The following DAB2IP variants were observed in gnomAD, a reference collection of about 807,000 sequenced individuals.
The protein encoded by DAB2IP is DAB2 interacting protein, also known as disabled homolog 2-interacting protein.
A neutral mutation model predicts 107.2 loss-of-function variants in DAB2IP; 28 were observed. The ratio of observed to expected loss-of-function variants is 0.26; its 90% CI spans 0.19 to 0.36. DAB2IP has a LOEUF of 0.36. Among genes scored for constraint, DAB2IP ranks in the 10% least tolerant of loss-of-function variants. The pLI is 1.00. For missense variants in DAB2IP, 1,400 were observed against 1,644.7 expected (o/e 0.85, Z 2.57); for synonymous variants, 755 against 706.4 (o/e 1.07, Z -1.09).
At chr9:121,650,938 C>T (rs1832718634), upstream of DAB2IP, among the ~76,000 whole-genome samples, 2 of 152,154 alleles carry the variant, frequency 1.3e-5, no homozygotes, top group African/African-American at 4.8e-5. Context: ...TGCCATTGTG[C>T]TCTGGGGAGC....
intron 2 of DAB2IP, among the ~76,000 whole-genome samples, chr9:121,689,666 G>C (rs1829065811): frequency 6.6e-6 from 1 of 152,208 alleles, no homozygotes; most frequent in Non-Finnish European, 1.5e-5. Context: ...GTGCCTGGAA[G>C]TGCAGGGGAA....
intron 2 of DAB2IP, among the ~76,000 whole-genome samples, chr9:121,679,918 T>C (rs1828495657): frequency 6.6e-6 from 1 of 152,188 alleles, no homozygotes; most frequent in African/African-American, 2.4e-5. Context: ...GGAGGCACCC[T>C]AGAAATTTCC....
chr9:121,569,485 T>C (rs1829884271), intron 1 of DAB2IP, among the ~76,000 whole-genome samples: 1 of 152,142 alleles, frequency 6.6e-6, no homozygotes, highest in Non-Finnish European at 1.5e-5. Context: ...TGTAACGAAA[T>C]AGACAAGGTG....
chr9:121,570,794 C>T lies in DAB2IP; in HGVS notation c.40+3566C>T, dbSNP rs564706392. Among the ~76,000 whole-genome samples the T allele has an allele frequency of 7.3e-5, 11 of 151,358 alleles. No homozygotes were observed. The East Asian group carries it at 7.7e-4, about 11-fold the overall frequency. ...AACTCCTGGGCTCTCTCAATCTGCC[C>T]GCCTCGGCTTCCCAAAGTGCTGGGA... On this transcript the variant is annotated intron_variant, in intron 1 of 16. Transcript: ENST00000259371.
chr9:121,616,702 A>T (rs1831291906), intron 1 of DAB2IP, among the ~76,000 whole-genome samples: 1 of 152,172 alleles, frequency 6.6e-6, no homozygotes, highest in Admixed American at 6.5e-5. Flanking sequence ...GATGGGCTTG[A>T]TCACTCTTCG....
intron 3 of DAB2IP, among the ~76,000 whole-genome samples, chr9:121,738,213 A>C (rs918355138): frequency 1.3e-5 from 2 of 152,112 alleles, no homozygotes; most frequent in Admixed American, 6.5e-5. Context: ...CCTAGGCTGC[A>C]GGGCTAATGA....
Position 121,772,910 on chromosome 9 carries a change from G to C in DAB2IP, c.2382G>C (p.Leu794=). 1 of 1,568,726 alleles carries C rather than the reference G, an allele frequency of 6.4e-7. No individual in the cohort carries two copies. Among genetic ancestry groups the C allele is most frequent in the South Asian group, 1.2e-5 (1 of 84,168 alleles). The change falls in exon 12 of 16, where the codon CTG becomes CTC. Residue 794 remains leucine (L), a synonymous_variant. Transcript: ENST00000408936. This position sits in a 1 kb window ranked among gnomAD's most constrained non-coding sequence, Gnocchi z 4.7. ...CGGCCCGGGCAACCCCAGTGAACCT[G>C]GCAGGGCTGGCCACGGTGCGGCGGG... is the stretch of plus-strand genomic sequence containing the variant.
chr9:121,605,598 A>G (rs1830842064), intron 1 of DAB2IP, among the ~76,000 whole-genome samples: 3 of 152,186 alleles, frequency 2.0e-5, no homozygotes, highest in Non-Finnish European at 1.5e-5. Context: ...TCCTGGGCTC[A>G]AGTGATCCTC....
chr9:121,667,049 C>T (rs372254485), intron 1 of DAB2IP, among the ~76,000 whole-genome samples: 71 of 152,326 alleles, frequency 4.7e-4, no homozygotes, highest in African/African-American at 1.6e-3. Flanking sequence ...CTTGCTCTGT[C>T]ACCCAGGCTG....
In DAB2IP at chr9:121,699,512, CT is replaced by C. The variant is rs1829651442; in HGVS notation, c.362+55del. On this transcript the variant is annotated intron_variant, in intron 3 of 15. Transcript: ENST00000408936. The surrounding 1 kb of genome is among the most constrained non-coding windows in gnomAD (Gnocchi z 6.2). Reference sequence around the variant, plus strand: ...CGCGCCGCCGCCCCGGGCTGCGCCCCTGAGGACGCGGGGACAAAGCGCGAGC... The same window carrying C: ...CGCGCCGCCGCCCCGGGCTGCGCCCCGAGGACGCGGGGACAAAGCGCGAGC... 20 of 1,213,230 alleles carry C rather than the reference CT, an allele frequency of 1.6e-5. No individual in the cohort carries two copies. In the South Asian group the frequency reaches 6.1e-4, roughly 37 times the overall value. 75.2% of individuals were successfully genotyped at this position (1,213,230 alleles called of 1,614,324 possible). A position where few individuals can be genotyped will look rare whatever the true frequency, so the allele number is the denominator to read the frequency against.
chr9:121,679,519 G>A (rs1828469300), intron 2 of DAB2IP, among the ~76,000 whole-genome samples: 1 of 151,784 alleles, frequency 6.6e-6, no homozygotes, highest in African/African-American at 2.4e-5. Context: ...CTCCAGGGCT[G>A]TGCCAGGCAC....
At position 121,772,579 on chromosome 9, in the gene DAB2IP, T is replaced by G. The variant is rs887093538; in HGVS notation, c.2079-28T>G. ...CTCACAGTTCTTCTTTTCCCCTTCTTTCCCTGTGTGTGCTTGTCTCCCTGC... is the reference window on the plus strand; with the variant it reads ...CTCACAGTTCTTCTTTTCCCCTTCTGTCCCTGTGTGTGCTTGTCTCCCTGC... On this transcript the variant is annotated intron_variant, in intron 11 of 15. Coordinates refer to ENST00000408936, the Ensembl canonical transcript of DAB2IP. This position sits in a 1 kb window ranked among gnomAD's most constrained non-coding sequence, Gnocchi z 4.7. The G allele has an allele frequency of 6.3e-7, 1 of 1,589,730 alleles. No individual in the cohort carries two copies. Among genetic ancestry groups the G allele is most frequent in the African/African-American group, 1.3e-5 (1 of 74,508 alleles).
intron 2 of DAB2IP, among the ~76,000 whole-genome samples, chr9:121,695,949 G>T (rs1311056990): frequency 4.6e-5 from 7 of 152,234 alleles, no homozygotes; most frequent in African/African-American, 1.7e-4. Context: ...GCTCACTGCA[G>T]CCTCCACCTC....
At chr9:121,677,877 G>A (rs13298166) in intron 1 of DAB2IP, among the ~76,000 whole-genome samples, 18,024 of 152,126 alleles carry the variant, frequency 0.12, 1,320 homozygotes, top group East Asian at 0.23. Context: ...GACCAGGCTG[G>A]TTTCGAACTC....
chr9:121,710,496 C>T (rs1830286516), intron 3 of DAB2IP, among the ~76,000 whole-genome samples: 1 of 152,110 alleles, frequency 6.6e-6, no homozygotes, highest in Non-Finnish European at 1.5e-5. Context: ...TTCTGTGGCT[C>T]CCCCAGGGTT....
At chr9:121,589,395 T>A (rs1415885785) in intron 1 of DAB2IP, among the ~76,000 whole-genome samples, 1 of 152,160 alleles carries the variant, frequency 6.6e-6, no homozygotes, top group Non-Finnish European at 1.5e-5. Context: ...TGGTGCCATG[T>A]TTTTTTATGG....
At chr9:121,579,916 C>T (rs957648257) in intron 1 of DAB2IP, among the ~76,000 whole-genome samples, 2 of 152,202 alleles carry the variant, frequency 1.3e-5, no homozygotes, top group Admixed American at 1.3e-4. Context: ...TCACCTTGCC[C>T]ACTGCACCTG....
intron 3 of DAB2IP, among the ~76,000 whole-genome samples, chr9:121,739,479 T>A (rs180905592): frequency 4.4e-4 from 67 of 152,318 alleles, no homozygotes; most frequent in South Asian, 1.0e-3. Flanking sequence ...TCCCTCTGAC[T>A]CCCCTGGTAG....
At chr9:121,623,066 C>G (rs1298413960) in intron 1 of DAB2IP, among the ~76,000 whole-genome samples, 1 of 152,196 alleles carries the variant, frequency 6.6e-6, no homozygotes, top group African/African-American at 2.4e-5. Flanking sequence ...CTCTCTTAAG[C>G]AAGTGAGATG....
Sources: allele counts gnomAD v4.1 joint callset (sites outside exome capture counted in the v4.1 genomes callset), GRCh38; gene constraint gnomAD v4.1.1; non-coding constraint Gnocchi (gnomAD v3.1); transcripts MANE v1.5; gene names NCBI Gene and HGNC (gene_info 2026-07-23, HGNC 2026-07-21).